NEK7: variants seen among roughly 807,000 people sequenced by gnomAD.
NEK7 encodes the protein serine/threonine-protein kinase Nek7.
A neutral mutation model predicts 44.6 loss-of-function variants in NEK7; 18 were observed. That is an observed-to-expected ratio of 0.40 (90% confidence interval 0.28 to 0.60). The LOEUF is 0.60. NEK7 is among the 20% of genes least tolerant of loss of function. The probability of loss-of-function intolerance (pLI) is 0.38; values close to 1 mark genes in which losing one functional copy is unlikely to be tolerated. For synonymous variants in NEK7, 130 were observed against 121.1 expected (o/e 1.07, Z -0.48); for missense variants, 256 against 366.5 (o/e 0.70, Z 2.46).
At chr1:198,252,481 C>T (rs1558079017) in intron 2 of NEK7, among the ~76,000 whole-genome samples, 1 of 140,176 alleles carries the variant, frequency 7.1e-6, no homozygotes, top group Admixed American at 7.4e-5. Flanking sequence ...TATGTTGTAT[C>T]CTTCTTCCTT....
At chr1:198,232,715 G>A in intron 2 of NEK7, 78 bp downstream of exon 2, 1 of 767,086 alleles carries the variant, frequency 1.3e-6, no homozygotes, top group Non-Finnish European at 2.1e-6. Flanking sequence ...TACATTTACA[G>A]TTCCTTTAGG....
chr1:198,312,793 G>A (rs1655231795), intron 9 of NEK7, among the ~76,000 whole-genome samples: 1 of 151,536 alleles, frequency 6.6e-6, no homozygotes, highest in Admixed American at 6.6e-5. Context: ...ATTGCACTGT[G>A]GTCTGAGAGA....
intron 3 of NEK7, among the ~76,000 whole-genome samples, chr1:198,254,720 A>G (rs146344008): frequency 2.6e-5 from 4 of 152,158 alleles, no homozygotes; most frequent in Non-Finnish European, 4.4e-5. Flanking sequence ...CAGGGGATGC[A>G]TGTGTACTGC....
chr1:198,315,836 T>C (rs1655352857), intron 9 of NEK7, among the ~76,000 whole-genome samples: 1 of 152,198 alleles, frequency 6.6e-6, no homozygotes, highest in Admixed American at 6.5e-5. Context: ...TGTGAATATT[T>C]ACGTGCAGCT....
Position 198,269,385 on chromosome 1 carries a change from TAAG to T in NEK7, c.372+5153_372+5155del, listed in dbSNP as rs202087106. ...TTTTACGGGAGTGGGGTTGGGTAGT[TAAG>T]AAATTCTAAAATTGTTTTCTGAACA... On this transcript the variant is annotated intron_variant, in intron 5 of 9. Coordinates refer to ENST00000367385, the MANE Select transcript of NEK7 (RefSeq NM_133494.3). Among the ~76,000 whole-genome samples the T allele has an allele frequency of 5.6e-3, 856 of 152,202 alleles. 7 individuals carry two copies. The highest frequency in any genetic ancestry group is 0.019 in the African/African-American group (782 of 41,554).
intron 1 of NEK7, among the ~76,000 whole-genome samples, chr1:198,166,731 A>G (rs1049633227): frequency 6.6e-6 from 1 of 152,222 alleles, no homozygotes; most frequent in Non-Finnish European, 1.5e-5. Context: ...CAAATACAGT[A>G]ACATCAAAGA....
Position 198,180,239 on chromosome 1 carries a change from C to T in NEK7, c.-29+22963C>T, listed in dbSNP as rs561051549. Reference sequence around the variant, plus strand: ...GTTAAAAGTAAGCATTCAGTTTGTACTAATATTTAAAAGCCTTTGCATCAT... The same window carrying T: ...GTTAAAAGTAAGCATTCAGTTTGTATTAATATTTAAAAGCCTTTGCATCAT... On this transcript the variant is annotated intron_variant, in intron 1 of 9. Transcript: ENST00000367385. Among the ~76,000 whole-genome samples, 9 of 151,092 alleles carry T rather than the reference C, an allele frequency of 6.0e-5. No individual in the cohort carries two copies. In the South Asian group the frequency reaches 1.0e-3, roughly 18 times the overall value.
At chr1:198,213,698 TG>T (rs1274186760) in intron 1 of NEK7, among the ~76,000 whole-genome samples, 5 of 152,194 alleles carry the variant, frequency 3.3e-5, no homozygotes, top group African/African-American at 1.2e-4. Context: ...GCTTTCCTGC[TG>T]GCCTGGAAGG....
chr1:198,216,812 T>G (rs545660667), intron 1 of NEK7, among the ~76,000 whole-genome samples: 14 of 152,082 alleles, frequency 9.2e-5, no homozygotes, highest in African/African-American at 3.4e-4. Context: ...TGAACACCTT[T>G]ATATGCACAA....
intron 1 of NEK7, among the ~76,000 whole-genome samples, chr1:198,176,570 A>G (rs1468785451): frequency 2.3e-5 from 3 of 128,890 alleles, no homozygotes; most frequent in South Asian, 2.7e-4. Flanking sequence ...TATGACATAG[A>G]TTTTCATCTT....
chr1:198,257,525 T>C (rs943974491), intron 3 of NEK7, among the ~76,000 whole-genome samples: 2 of 152,158 alleles, frequency 1.3e-5, no homozygotes, highest in Non-Finnish European at 2.9e-5. Context: ...CTTCAATCTC[T>C]TTTTCAGTGT....
chr1:198,242,512 G>A (rs1666714191), intron 2 of NEK7, among the ~76,000 whole-genome samples: 1 of 124,442 alleles, frequency 8.0e-6, no homozygotes, highest in African/African-American at 3.1e-5. Context: ...TCGCTCTGTT[G>A]CCCAGGCTGG....
intron 8 of NEK7, among the ~76,000 whole-genome samples, chr1:198,294,972 G>A (rs1039802969): frequency 6.6e-6 from 1 of 151,540 alleles, no homozygotes; most frequent in African/African-American, 2.4e-5. Flanking sequence ...ATAACATCAC[G>A]TATTTTGTAT....
chr1:198,229,094 G>A (rs922936745), intron 1 of NEK7, among the ~76,000 whole-genome samples: 13 of 152,134 alleles, frequency 8.5e-5, no homozygotes, highest in Non-Finnish European at 1.9e-4. Flanking sequence ...GGCCTGGCTG[G>A]GTTTTCCCAC....
At chr1:198,296,670 G>T (rs890346375) in intron 8 of NEK7, among the ~76,000 whole-genome samples, 1 of 152,116 alleles carries the variant, frequency 6.6e-6, no homozygotes, top group Non-Finnish European at 1.5e-5. Flanking sequence ...AAACTATTAT[G>T]CAAGAGAAAA....
At chr1:198,251,724 C>T (rs1360791540) in intron 2 of NEK7, among the ~76,000 whole-genome samples, 2 of 151,196 alleles carry the variant, frequency 1.3e-5, no homozygotes, top group African/African-American at 2.4e-5. Context: ...TGGTGATATC[C>T]CCTTTATCAT....
chr1:198,242,014 A>G (rs181465471), intron 2 of NEK7, among the ~76,000 whole-genome samples: 4 of 152,274 alleles, frequency 2.6e-5, no homozygotes, highest in African/African-American at 9.6e-5. Context: ...TGTTTTTACC[A>G]GTAAATGGCA....
rs1258440074 is a variant in NEK7, at chr1:198,321,329, C to T, written c.*1807C>T. ...AGGGCTAGATGCATTTTTTTTCTCA[C>T]ACTCTTAATGACTTTTAACATTTAT... is the stretch of plus-strand genomic sequence containing the variant. On this transcript the variant is annotated 3_prime_UTR_variant, in exon 10 of 10. Transcript: ENST00000367385. 1 of 152,048 alleles carries T rather than the reference C, an allele frequency of 6.6e-6. No homozygotes were observed. Among genetic ancestry groups the T allele is most frequent in the East Asian group, 1.9e-4 (1 of 5,198 alleles). The allele number at this position is 152,048 out of a possible 1,614,324, so 9.4% of individuals were successfully genotyped here.
chr1:198,253,606 T>C (rs1226786317), intron 3 of NEK7, among the ~76,000 whole-genome samples: 1 of 152,000 alleles, frequency 6.6e-6, no homozygotes, highest in Non-Finnish European at 1.5e-5. Context: ...GAAAGGAAAA[T>C]GAAGTGAACT....
Sources: allele counts gnomAD v4.1 joint callset (sites outside exome capture counted in the v4.1 genomes callset), GRCh38; gene constraint gnomAD v4.1.1; transcripts MANE v1.5; gene names NCBI Gene and HGNC (gene_info 2026-07-23, HGNC 2026-07-21).